VWC2: variants seen among roughly 807,000 people sequenced by gnomAD.
The protein encoded by VWC2 is von Willebrand factor C domain containing 2.
A neutral mutation model predicts 29.8 loss-of-function variants in VWC2; 14 were observed. The observed-to-expected ratio is 0.47, with a 90% confidence interval of 0.31 to 0.74. VWC2 has a LOEUF of 0.74. Among genes scored for constraint, VWC2 ranks in the 30% least tolerant of loss-of-function variants. The probability of loss-of-function intolerance (pLI) is 0.05; values close to 1 mark genes in which losing one functional copy is unlikely to be tolerated. For synonymous variants in VWC2, 213 were observed against 199.0 expected, an observed-to-expected ratio of 1.07 and a Z score of -0.59; for missense variants, 457 against 459.8, an observed-to-expected ratio of 0.99 and a Z score of 0.05.
chr7:49,845,458 C>G (rs1252608787), intron 3 of VWC2, among the ~76,000 whole-genome samples: 1 of 152,048 alleles, frequency 6.6e-6, no homozygotes, highest in Admixed American at 6.6e-5. Context: ...GATAGCAAAC[C>G]CTTGACATTT....
intron 3 of VWC2, among the ~76,000 whole-genome samples, chr7:49,899,209 C>T (rs1015095442): frequency 5.9e-5 from 9 of 151,742 alleles, no homozygotes; most frequent in African/African-American, 2.2e-4. Flanking sequence ...TATGTTTTTC[C>T]CTTATAATAA....
intron 2 of VWC2, among the ~76,000 whole-genome samples, chr7:49,777,697 C>T (rs1562699532): frequency 6.6e-6 from 1 of 152,088 alleles, no homozygotes; most frequent in Non-Finnish European, 1.5e-5. Context: ...AATCAGAAAC[C>T]CTGCCCTCAA....
At chr7:49,864,170 C>T (rs879298909) in intron 3 of VWC2, among the ~76,000 whole-genome samples, 8 of 152,114 alleles carry the variant, frequency 5.3e-5, no homozygotes, top group Non-Finnish European at 1.2e-4. Context: ...ATTGGTGTCA[C>T]TGAAGTCTGT....
chr7:49,784,994 T>C (rs1461147138), intron 2 of VWC2, among the ~76,000 whole-genome samples: 1 of 152,216 alleles, frequency 6.6e-6, no homozygotes, highest in Non-Finnish European at 1.5e-5. Context: ...TGATATATAC[T>C]TATTTACATA....
chr7:49,845,981 T>C (rs1313289732), intron 3 of VWC2, among the ~76,000 whole-genome samples: 1 of 152,250 alleles, frequency 6.6e-6, no homozygotes, highest in African/African-American at 2.4e-5. Flanking sequence ...AAATGCTTCC[T>C]TGGTACAGTC....
intron 3 of VWC2, among the ~76,000 whole-genome samples, chr7:49,895,831 T>C (rs931206500): frequency 1.3e-4 from 20 of 152,130 alleles, no homozygotes; most frequent in African/African-American, 4.8e-4. Flanking sequence ...GATTAACCCA[T>C]TCTCCCACTT....
chr7:49,890,730 CAA>C (rs150953956), intron 3 of VWC2, among the ~76,000 whole-genome samples: 109,431 of 145,650 alleles, frequency 0.75, 40,343 homozygotes, highest in East Asian at 0.87. Context: ...CAAAGCAAAA[CAA>C]AAAAAAAAAA....
intron 2 of VWC2, among the ~76,000 whole-genome samples, chr7:49,792,685 CG>C (rs1562707107): frequency 6.6e-6 from 1 of 152,218 alleles, no homozygotes; most frequent in East Asian, 1.9e-4. Context: ...CCTGTCCTGG[CG>C]GCCAGAGGTC....
intron 3 of VWC2, among the ~76,000 whole-genome samples, chr7:49,836,402 G>A (rs1789658726): frequency 6.6e-6 from 1 of 151,196 alleles, no homozygotes; most frequent in South Asian, 2.1e-4. Context: ...GCAGAAGTGG[G>A]CAGATCACTT....
chr7:49,878,563 C>T (rs1056461719), intron 3 of VWC2, among the ~76,000 whole-genome samples: 3 of 152,138 alleles, frequency 2.0e-5, no homozygotes, highest in Non-Finnish European at 2.9e-5. Flanking sequence ...TCTCAACGCT[C>T]GGTCTACTTT....
intron 3 of VWC2, among the ~76,000 whole-genome samples, chr7:49,844,022 A>C (rs1054975743): frequency 6.6e-6 from 1 of 152,186 alleles, no homozygotes; most frequent in Admixed American, 6.5e-5. Flanking sequence ...TTGGCCATGG[A>C]ATTGGCTGGG....
intron 2 of VWC2, among the ~76,000 whole-genome samples, chr7:49,795,985 G>A (rs914396714): frequency 1.3e-5 from 2 of 152,254 alleles, no homozygotes; most frequent in South Asian, 4.1e-4. Context: ...GGAGGGATTG[G>A]TAGAGGCAGA....
intron 3 of VWC2, among the ~76,000 whole-genome samples, chr7:49,910,147 G>A (rs539680557): frequency 1.9e-4 from 29 of 152,180 alleles, no homozygotes; most frequent in African/African-American, 7.0e-4. Context: ...ACAGAGTTCA[G>A]GGAGGGAGAA....
intron 3 of VWC2, among the ~76,000 whole-genome samples, chr7:49,886,074 A>G (rs1206896311): frequency 6.6e-6 from 1 of 152,176 alleles, no homozygotes; most frequent in Non-Finnish European, 1.5e-5. Context: ...GAGATAGGGG[A>G]GAGGTCCAGA....
chr7:49,774,209 G>C (rs1333479840), intron 1 of VWC2, 96 bp downstream of exon 1: 1 of 152,854 alleles, frequency 6.5e-6, no homozygotes, highest in Non-Finnish European at 1.5e-5. Context: ...CCGCTCAGCT[G>C]CTCCGGAGGA....
rs1788203325 is a variant in VWC2, at chr7:49,782,674, A to C, written c.696+6543A>C. 2.7e-5 allele frequency among the ~76,000 whole-genome samples: 4 copies of C among 148,950 alleles called. No homozygotes were observed. The Admixed American group carries it at 2.7e-4, about 10-fold the overall frequency. On this transcript the variant is annotated intron_variant, in intron 2 of 3. Coordinates refer to ENST00000340652, the MANE Select transcript of VWC2 (RefSeq NM_198570.5). ...AGTCTAGACAACATAGTGAGGCCAC[A>C]TCTCTACAACAAATTGAAAAAAAAA...
chr7:49,790,850 G>T (rs1424724801), intron 2 of VWC2, among the ~76,000 whole-genome samples: 1 of 151,992 alleles, frequency 6.6e-6, no homozygotes, highest in African/African-American at 2.4e-5. Flanking sequence ...CGGGGGAGAG[G>T]TTTAGTTCCA....
chr7:49,874,749 T>G (rs1791325864), intron 3 of VWC2, among the ~76,000 whole-genome samples: 1 of 152,178 alleles, frequency 6.6e-6, no homozygotes, highest in African/African-American at 2.4e-5. Flanking sequence ...GGGGCACCTT[T>G]GCTATAGGAC....
chr7:49,906,024 A>G (rs989111921), intron 3 of VWC2, among the ~76,000 whole-genome samples: 63 of 152,348 alleles, frequency 4.1e-4, no homozygotes, highest in African/African-American at 1.3e-3. Flanking sequence ...CAGAAAACTC[A>G]TAAATAATTG....
Sources: gnomAD v4.1 joint callset for allele counts (sites outside exome capture counted in the v4.1 genomes callset) on GRCh38, gnomAD v4.1.1 for gene constraint, MANE v1.5 for transcripts, NCBI Gene and HGNC (gene_info 2026-07-23, HGNC 2026-07-21) for gene names.